The following DYNC1LI1 variants were observed in gnomAD, a reference collection of about 807,000 sequenced individuals.
DYNC1LI1 encodes the protein cytoplasmic dynein 1 light intermediate chain 1.
In DYNC1LI1, 19 loss-of-function variants were observed where a neutral mutation model predicts 63.8. That is an observed-to-expected ratio of 0.30 (90% CI 0.21 to 0.44). The LOEUF is 0.44. Among genes scored for constraint, DYNC1LI1 ranks in the 20% least tolerant of loss-of-function variants. The pLI, the probability that DYNC1LI1 is intolerant of heterozygous loss-of-function variation, is 1.00. For missense variants in DYNC1LI1, 565 were observed against 630.2 expected, an observed-to-expected ratio of 0.90 and a Z score of 1.11; for synonymous variants, 225 against 232.3, an observed-to-expected ratio of 0.97 and a Z score of 0.28.
chr3:32,557,808 C>CA (rs1251915658), intron 2 of DYNC1LI1, among the ~76,000 whole-genome samples: 2 of 152,108 alleles, frequency 1.3e-5, no homozygotes, highest in African/African-American at 4.8e-5. Flanking sequence ...GGCAGTGAAA[C>CA]AGACACATCA....
intron 2 of DYNC1LI1, among the ~76,000 whole-genome samples, chr3:32,557,499 G>A (rs1283329367): frequency 2.0e-5 from 3 of 151,632 alleles, no homozygotes; most frequent in Non-Finnish European, 4.4e-5. Context: ...TCCAGCCTGG[G>A]CAACGAGAGC....
Position 32,530,277 on chromosome 3 carries a change from TACTG to T in DYNC1LI1, c.1185+3_1185+6del. 3 of 1,597,888 alleles carry T rather than the reference TACTG, an allele frequency of 1.9e-6. No individual in the cohort carries two copies. The highest frequency in any genetic ancestry group is 2.6e-6 in the Non-Finnish European group (3 of 1,175,806). On this transcript the variant is annotated splice_donor_5th_base_variant and intron_variant, in intron 10 of 12. Coordinates refer to ENST00000273130, the MANE Select transcript of DYNC1LI1 (RefSeq NM_016141.4). ...TTAATCATTTTGTCAAAATTTGTAA[TACTG>T]ACCACAGGCCTTCCAGCTGCAGTTG... is the stretch of plus-strand genomic sequence containing the variant.
At chr3:32,541,362 T>G (rs1697879862) in intron 4 of DYNC1LI1, among the ~76,000 whole-genome samples, 156 bp from the exon 5 acceptor site, 1 of 152,178 alleles carries the variant, frequency 6.6e-6, no homozygotes, top group Non-Finnish European at 1.5e-5. Flanking sequence ...AAAGAGAATA[T>G]ACAAACACTG....
At chr3:32,541,562 A>C (rs1697882804) in intron 4 of DYNC1LI1, among the ~76,000 whole-genome samples, 1 of 152,188 alleles carries the variant, frequency 6.6e-6, no homozygotes, top group Non-Finnish European at 1.5e-5. Flanking sequence ...TGTGGGAGAA[A>C]AAAATCCCAT....
intron 2 of DYNC1LI1, among the ~76,000 whole-genome samples, chr3:32,553,347 C>T (rs930660971): frequency 1.3e-5 from 2 of 151,992 alleles, no homozygotes; most frequent in African/African-American, 4.8e-5. Context: ...AAAACAAAAA[C>T]AAAAAACCCA....
At chr3:32,548,708 T>A (rs1048641071) in intron 2 of DYNC1LI1, among the ~76,000 whole-genome samples, 1 of 152,136 alleles carries the variant, frequency 6.6e-6, no homozygotes, top group African/African-American at 2.4e-5. Flanking sequence ...TTATTAACAA[T>A]ATGCTGTACT....
rs1276271962 is a variant in DYNC1LI1, at chr3:32,540,998, G to C, written c.738+39C>G. The C allele has an allele frequency of 2.7e-6, 4 of 1,501,614 alleles. No individual in the cohort carries two copies. The South Asian group carries it at 5.3e-5, about 20-fold the overall frequency. 93.0% of individuals were successfully genotyped at this position (1,501,614 alleles called of 1,614,324 possible). On this transcript the variant is annotated intron_variant, in intron 5 of 12. Coordinates refer to ENST00000273130, the MANE Select transcript of DYNC1LI1 (RefSeq NM_016141.4). ...AAAACAAAACAGTTGTTCATCCTCA[G>C]TGAATATCAGTTGCAGAATCCCTAG...
chr3:32,527,099 T>G (rs982478528), intron 12 of DYNC1LI1, among the ~76,000 whole-genome samples, 191 bp from the exon 13 acceptor site: 1 of 152,194 alleles, frequency 6.6e-6, no homozygotes, highest in Non-Finnish European at 1.5e-5. Flanking sequence ...CTCAGCACTT[T>G]GGGAGGCCAA....
chr3:32,563,735 T>C (rs1456629612), intron 2 of DYNC1LI1, among the ~76,000 whole-genome samples: 2 of 152,242 alleles, frequency 1.3e-5, no homozygotes, highest in African/African-American at 4.8e-5. Context: ...GAATTACTGC[T>C]CTACCAGCCT....
chr3:32,539,684 C>T lies in DYNC1LI1; in HGVS notation c.738+1353G>A, dbSNP rs866791207. On this transcript the variant is annotated intron_variant, in intron 5 of 12. Coordinates refer to ENST00000273130, the MANE Select transcript of DYNC1LI1 (RefSeq NM_016141.4). ...CCGAGTAGCTGGGACTACAGGCGCC[C>T]GCCACCATGCCTGGCTAATTTTTTG... Among the ~76,000 whole-genome samples the T allele has an allele frequency of 2.0e-5, 3 of 150,676 alleles. No individual in the cohort carries two copies. The Admixed American group carries it at 2.0e-4, about 10-fold the overall frequency.
At chr3:32,543,666 A>G (rs1697913270) in intron 4 of DYNC1LI1, among the ~76,000 whole-genome samples, 1 of 149,614 alleles carries the variant, frequency 6.7e-6, no homozygotes, top group South Asian at 2.1e-4. Context: ...TCAGCCTCCC[A>G]AAGCGCTGGG....
At chr3:32,555,831 G>C (rs1698107583) in intron 2 of DYNC1LI1, among the ~76,000 whole-genome samples, 2 of 152,178 alleles carry the variant, frequency 1.3e-5, no homozygotes, top group Admixed American at 6.5e-5. Context: ...TAAGAGAGCA[G>C]GACACATGTG....
In DYNC1LI1 at chr3:32,570,662, C is replaced by G; in HGVS notation, c.109G>C (p.Ala37Pro). 1.3e-6 allele frequency: 2 copies of G among 1,599,202 alleles called. No homozygotes were observed. The highest frequency in any genetic ancestry group is 2.3e-5 in the East Asian group (1 of 44,012). ...GNEIASGNGG[A>P]AAGDDEDGQN... Reference sequence around the variant, plus strand: ...CCGTCCTCGTCGTCGCCTGCCGCGGCGCCACCGTTGCCCGACGCTATCTCG... The same window carrying G: ...CCGTCCTCGTCGTCGCCTGCCGCGGGGCCACCGTTGCCCGACGCTATCTCG... The change falls in exon 1 of 13, where the codon GCC (alanine) becomes CCC (proline). Residue 37 changes from alanine (A) to proline (P), a missense_variant. By Grantham distance (27) the Ala-to-Pro change is conservative. Transcript: ENST00000273130.
rs755651756 is a variant in DYNC1LI1 at position 32,534,579 on chromosome 3, G to A, written c.900C>T (p.Ile300=). Residue 300 remains isoleucine (I), a synonymous_variant, in exon 7 of 13, where the codon ATC becomes ATT. Coordinates refer to ENST00000273130, the MANE Select transcript of DYNC1LI1 (RefSeq NM_016141.4). Reference sequence around the variant, plus strand: ...AGGGAAATCCATATAGTTTCTGAACGATGTATTTATATACTAAGTCTATAT... The same window carrying A: ...AGGGAAATCCATATAGTTTCTGAACAATGTATTTATATACTAAGTCTATAT... The part of the protein sequence containing the change: ...NKNIDLVYKY[I]VQKLYGFPYK... The A allele has an allele frequency of 6.9e-6, 11 of 1,593,742 alleles. No homozygotes were observed. Among genetic ancestry groups the A allele is most frequent in the South Asian group, 2.2e-5 (2 of 89,772 alleles).
At chr3:32,561,034 C>CAA (rs1553619588) in intron 2 of DYNC1LI1, among the ~76,000 whole-genome samples, 5 of 51,914 alleles carry the variant, frequency 9.6e-5, no homozygotes, top group African/African-American at 2.6e-4. Context: ...AAAAAAAAAA[C>CAA]AAACAAAAAA....
Position 32,570,808 on chromosome 3 carries a change from T to C in DYNC1LI1, c.-38A>G, listed in dbSNP as rs774533926. 4.5e-6 allele frequency: 7 copies of C among 1,564,454 alleles called. No homozygotes were observed. Among genetic ancestry groups the C allele is most frequent in the African/African-American group, 1.4e-5 (1 of 72,086 alleles). On this transcript the variant is annotated 5_prime_UTR_variant, in exon 1 of 13. Transcript: ENST00000273130. ...TCACACCACTCCCGGCAAGACTAAA[T>C]GTGCGAGGCGGCTGAGGCGGTGGCG...
chr3:32,570,122 G>C, intron 2 of DYNC1LI1: 1 of 679,862 alleles, frequency 1.5e-6, no homozygotes, highest in Admixed American at 2.1e-5. Context: ...CCCATATACC[G>C]GGGAGGAGGA....
chr3:32,558,403 T>TAAAAAAAAAAAAAAAA (rs533076265), intron 2 of DYNC1LI1, among the ~76,000 whole-genome samples: 2 of 90,386 alleles, frequency 2.2e-5, no homozygotes, highest in African/African-American at 9.0e-5. Context: ...TTTAAAAATG[T>TAAAAAAAAAAAAAAAA]AAAAAAAAAA....
intron 5 of DYNC1LI1, among the ~76,000 whole-genome samples, chr3:32,539,941 TGCAA>T (rs1267066213): frequency 6.6e-6 from 1 of 151,412 alleles, no homozygotes; most frequent in Admixed American, 6.6e-5. Context: ...CTCGGCTCAC[TGCAA>T]GCTCCACCTC....
Sources: allele counts gnomAD v4.1 joint callset (sites outside exome capture counted in the v4.1 genomes callset), GRCh38; gene constraint gnomAD v4.1.1; transcripts MANE v1.5; gene names NCBI Gene and HGNC (gene_info 2026-07-23, HGNC 2026-07-21).